ANKS1B: variants seen among roughly 807,000 people sequenced by gnomAD.
ANKS1B encodes the protein ankyrin repeat and sterile alpha motif domain-containing protein 1B.
ANKS1B carries 36 observed loss-of-function variants against 148.3 expected under a neutral mutation model. The observed-to-expected ratio is 0.24, with a 90% confidence interval of 0.19 to 0.32. The LOEUF (loss-of-function observed/expected upper bound fraction) is 0.32, where lower values mean the gene tolerates loss of function less well. ANKS1B is among the 10% of genes least tolerant of loss of function. The probability of loss-of-function intolerance (pLI) is 1.00; values close to 1 mark genes in which losing one functional copy is unlikely to be tolerated. For synonymous variants in ANKS1B, 542 were observed against 560.8 expected (o/e 0.97, Z 0.47); for missense variants, 1,157 against 1,542.6 (o/e 0.75, Z 4.19).
intron 17 of ANKS1B, among the ~76,000 whole-genome samples, chr12:98,968,455 AGACCAAAAAAACAAAC>A (rs199845329): frequency 0.032 from 4,911 of 152,264 alleles, 218 homozygotes; most frequent in African/African-American, 0.1. Flanking sequence ...AAGTCATACC[AGACCAAAAAAACAAAC>A]AAACAAAAAA....
chr12:99,351,516 C>A (rs1331442534), intron 12 of ANKS1B, among the ~76,000 whole-genome samples: 1 of 151,556 alleles, frequency 6.6e-6, no homozygotes, highest in Non-Finnish European at 1.5e-5. Flanking sequence ...ATAAGACAGA[C>A]CTGGGTTTGA....
At chr12:98,968,181 A>G (rs1488029866) in intron 17 of ANKS1B, among the ~76,000 whole-genome samples, 1 of 152,210 alleles carries the variant, frequency 6.6e-6, no homozygotes, top group Non-Finnish European at 1.5e-5. Flanking sequence ...TTTCATAAGA[A>G]AAACTCCCCT....
intron 14 of ANKS1B, among the ~76,000 whole-genome samples, chr12:99,243,772 A>C (rs2089786894): frequency 6.6e-6 from 1 of 152,218 alleles, no homozygotes; most frequent in African/African-American, 2.4e-5. Context: ...AAACTGTCAC[A>C]AGGACAGAAA....
At chr12:98,798,504 CTGAG>C (rs2098971791) in intron 22 of ANKS1B, among the ~76,000 whole-genome samples, 6 of 149,496 alleles carry the variant, frequency 4.0e-5, no homozygotes, top group Admixed American at 4.0e-4. Flanking sequence ...AAAAAAAAAA[CTGAG>C]TAAGAAATTG....
intron 17 of ANKS1B, among the ~76,000 whole-genome samples, chr12:99,038,196 T>G (rs1025676683): frequency 2.6e-5 from 4 of 152,142 alleles, no homozygotes; most frequent in Admixed American, 6.5e-5. Context: ...CTTCTGGAGA[T>G]TTCTAGAAAT....
intron 17 of ANKS1B, among the ~76,000 whole-genome samples, chr12:98,880,304 A>G (rs2099703657): frequency 1.3e-5 from 2 of 152,230 alleles, no homozygotes; most frequent in African/African-American, 4.8e-5. Flanking sequence ...AACAAAAGAC[A>G]CGTGATGATG....
intron 17 of ANKS1B, among the ~76,000 whole-genome samples, chr12:98,921,729 G>A (rs189961141): frequency 4.6e-4 from 70 of 152,188 alleles, no homozygotes; most frequent in Non-Finnish European, 9.0e-4. Context: ...TTCTCTGAGG[G>A]GAGCATTTTG....
intron 2 of ANKS1B, among the ~76,000 whole-genome samples, chr12:99,815,896 C>G (rs2069057399): frequency 6.6e-6 from 1 of 151,636 alleles, no homozygotes; most frequent in Non-Finnish European, 1.5e-5. Flanking sequence ...CTCATTGGCA[C>G]TTAGGTTGGT....
intron 12 of ANKS1B, among the ~76,000 whole-genome samples, chr12:99,355,514 T>A (rs1798684871): frequency 6.6e-6 from 1 of 152,164 alleles, no homozygotes; most frequent in Non-Finnish European, 1.5e-5. Flanking sequence ...TTATTCAGAA[T>A]TAGATAAGCC....
At chr12:98,799,137 A>G in intron 21 of ANKS1B, 132 bp from the exon 22 acceptor site, 1 of 515,316 alleles carries the variant, frequency 1.9e-6, no homozygotes, top group Non-Finnish European at 3.3e-6. Context: ...TAAAAAACTG[A>G]CAGTAACTAA....
chr12:99,043,010 G>T (rs1215526693), intron 17 of ANKS1B, among the ~76,000 whole-genome samples: 1 of 152,024 alleles, frequency 6.6e-6, no homozygotes, highest in East Asian at 1.9e-4. Flanking sequence ...TTTCATACTG[G>T]GTTTACCCCT....
At chr12:98,991,615 T>C (rs746458499) in intron 17 of ANKS1B, among the ~76,000 whole-genome samples, 1 of 152,210 alleles carries the variant, frequency 6.6e-6, no homozygotes, top group Non-Finnish European at 1.5e-5. Context: ...TCAGGCACTA[T>C]TCTAAGTGCT....
intron 17 of ANKS1B, among the ~76,000 whole-genome samples, chr12:98,950,710 T>G (rs1045757327): frequency 6.6e-6 from 1 of 152,176 alleles, no homozygotes; most frequent in African/African-American, 2.4e-5. Flanking sequence ...TGGAAACATC[T>G]GGGGTAGGTG....
chr12:99,806,349 C>T, intron 4 of ANKS1B, 55 bp downstream of exon 4: 2 of 1,590,172 alleles, frequency 1.3e-6, no homozygotes, highest in Non-Finnish European at 1.7e-6. Context: ...CATTTGAATC[C>T]CAAAGCCAAG....
intron 14 of ANKS1B, among the ~76,000 whole-genome samples, chr12:99,237,298 AG>A (rs992895416): frequency 6.6e-6 from 1 of 152,094 alleles, no homozygotes; most frequent in Non-Finnish European, 1.5e-5. Flanking sequence ...CCAGCTGTAT[AG>A]GCCCAGCTAT....
At chr12:98,944,672 T>C (rs1466511013) in intron 17 of ANKS1B, among the ~76,000 whole-genome samples, 1 of 152,124 alleles carries the variant, frequency 6.6e-6, no homozygotes, top group Admixed American at 6.5e-5. Context: ...TCACTGCCCC[T>C]GAAAAAAAGA....
chr12:99,593,153 C>T (rs1042914448), intron 9 of ANKS1B, among the ~76,000 whole-genome samples: 2 of 152,004 alleles, frequency 1.3e-5, no homozygotes, highest in African/African-American at 2.4e-5. Flanking sequence ...ACGTCCATCC[C>T]TCAACCCCCA....
intron 9 of ANKS1B, among the ~76,000 whole-genome samples, chr12:99,515,062 T>C (rs943743111): frequency 6.6e-6 from 1 of 151,932 alleles, no homozygotes; most frequent in African/African-American, 2.4e-5. Flanking sequence ...AGCAGGTATA[T>C]GTATTTATGT....
intron 21 of ANKS1B, among the ~76,000 whole-genome samples, chr12:98,800,580 A>G (rs1486831853): frequency 6.6e-6 from 1 of 151,766 alleles, no homozygotes; most frequent in African/African-American, 2.4e-5. Flanking sequence ...ACAGAAAAAT[A>G]GTATAATCCT....
Sources: gnomAD v4.1 joint callset for allele counts (sites outside exome capture counted in the v4.1 genomes callset) on GRCh38, gnomAD v4.1.1 for gene constraint, MANE v1.5 for transcripts, NCBI Gene and HGNC (gene_info 2026-07-23, HGNC 2026-07-21) for gene names.